The following SLC39A12 variants were observed in gnomAD, a reference collection of about 807,000 sequenced individuals.
The protein encoded by SLC39A12 is solute carrier family 39 member 12, also known as zinc transporter ZIP12.
SLC39A12 carries 63 observed loss-of-function variants against 71.1 expected under a neutral mutation model. That is an observed-to-expected ratio of 0.89 (90% CI 0.72 to 1.09). The LOEUF is 1.09. Ranked by LOEUF, SLC39A12 falls within the 50% of genes least tolerant of loss-of-function variation. The pLI is 0.00. For synonymous variants in SLC39A12, 351 were observed against 301.3 expected (o/e 1.16, Z -1.71); for missense variants, 892 against 812.6 (o/e 1.10, Z -1.19).
At chr10:17,980,267 T>C (rs1391928919) in intron 5 of SLC39A12, among the ~76,000 whole-genome samples, 1 of 152,156 alleles carries the variant, frequency 6.6e-6, no homozygotes, top group Non-Finnish European at 1.5e-5. Context: ...CTCTAAAGAT[T>C]TTTATGTGGG....
Position 17,987,475 on chromosome 10 carries a change from T to C in SLC39A12, c.1097-4T>C. On this transcript the variant is annotated splice_polypyrimidine_tract_variant and splice_region_variant and intron_variant, in intron 6 of 12. Coordinates refer to ENST00000377369, the MANE Select transcript of SLC39A12 (RefSeq NM_001145195.2). ...GACTGTGTTTACGATCTCCTTTGAC[T>C]TAGAATACGGCTACAGCACGGTGGC... The C allele has an allele frequency of 6.2e-7, 1 of 1,613,502 alleles. No homozygotes were observed. Among genetic ancestry groups the C allele is most frequent in the Non-Finnish European group, 8.5e-7 (1 of 1,179,836 alleles).
chr10:18,003,435 G>T (rs1412528624), intron 12 of SLC39A12, 77 bp downstream of exon 12: 4 of 1,328,314 alleles, frequency 3.0e-6, no homozygotes, highest in Admixed American at 4.3e-5. Flanking sequence ...AGTAAAAATG[G>T]AAGGATAAAT....
intron 12 of SLC39A12, among the ~76,000 whole-genome samples, chr10:18,035,232 C>T (rs1210526619): frequency 6.8e-6 from 1 of 146,448 alleles, no homozygotes; most frequent in African/African-American, 2.6e-5. Flanking sequence ...GGATAATATC[C>T]TGCAGAGTGT....
At chr10:18,026,268 G>C (rs1312145903) in intron 12 of SLC39A12, among the ~76,000 whole-genome samples, 1 of 151,898 alleles carries the variant, frequency 6.6e-6, no homozygotes, top group Non-Finnish European at 1.5e-5. Context: ...CTCTATTTTT[G>C]TTTTCTGAGA....
rs1554847428 is a variant in SLC39A12, at chr10:17,953,562, G to A, written c.261+25G>A. 4 of 1,610,956 alleles carry A rather than the reference G, an allele frequency of 2.5e-6. No homozygotes were observed. The South Asian group carries it at 3.3e-5, about 13-fold the overall frequency. On this transcript the variant is annotated intron_variant, in intron 2 of 12. Transcript: ENST00000377369. ...GGTTAGTGAAATAGAATGGGGTCAG[G>A]TATCAGGGCATGTCCAAAAGAAAGC...
chr10:17,958,416 T>G (rs2130773988), intron 2 of SLC39A12, among the ~76,000 whole-genome samples: 1 of 152,262 alleles, frequency 6.6e-6, no homozygotes, highest in South Asian at 2.1e-4. Flanking sequence ...TACCATGTCC[T>G]TGTTCTGATT....
At chr10:18,018,197 T>C (rs1326612508) in intron 12 of SLC39A12, among the ~76,000 whole-genome samples, 1 of 152,216 alleles carries the variant, frequency 6.6e-6, no homozygotes, top group African/African-American at 2.4e-5. Context: ...ACTGATGATA[T>C]AGAGAAAGGC....
chr10:17,987,318 G>A (rs1230494313), intron 6 of SLC39A12, among the ~76,000 whole-genome samples, 161 bp from the exon 7 acceptor site: 2 of 152,178 alleles, frequency 1.3e-5, no homozygotes, highest in Non-Finnish European at 2.9e-5. Flanking sequence ...CTGGGTGACA[G>A]ACAGAGAGCC....
rs11012261 is a variant in SLC39A12 at position 18,029,804 on chromosome 10, T to C, written c.1948-12901T>C. Among the ~76,000 whole-genome samples the C allele has an allele frequency of 5.9e-5, 9 of 151,330 alleles. No individual in the cohort carries two copies. The East Asian group carries it at 1.7e-3, about 29-fold the overall frequency. The stretch of plus-strand genomic sequence containing the variant: ...TAAACTCCTGCCAAAAATTTTAAAT[T>C]TCTAACAAAAAAATAAAATAAATAC... On this transcript the variant is annotated intron_variant, in intron 12 of 12. Transcript: ENST00000377369.
chr10:18,008,912 T>C (rs6482123), intron 12 of SLC39A12, among the ~76,000 whole-genome samples: 12,990 of 152,202 alleles, frequency 0.085, 917 homozygotes, highest in African/African-American at 0.19. Context: ...ATTGGAAATC[T>C]AGAGGATTTC....
At chr10:17,967,386 G>A (rs541621638) in intron 4 of SLC39A12, among the ~76,000 whole-genome samples, 1 of 152,142 alleles carries the variant, frequency 6.6e-6, no homozygotes, top group East Asian at 1.9e-4. Context: ...ATTATTTAGG[G>A]CTTATAAAAT....
rs151200021 is a variant in SLC39A12 at position 17,999,653 on chromosome 10, T to G, written c.1601-1014T>G. 3.5e-4 allele frequency among the ~76,000 whole-genome samples: 54 copies of G among 152,334 alleles called. 1 individual carries two copies. Among genetic ancestry groups the G allele is most frequent in the African/African-American group, 1.3e-3 (52 of 41,572 alleles). The stretch of plus-strand genomic sequence containing the variant: ...TCTCCTGACCAGATGATATATATTA[T>G]GCAATCGAATTCCATGAAGACAGAA... On this transcript the variant is annotated intron_variant, in intron 10 of 12. Transcript: ENST00000377369.
intron 12 of SLC39A12, among the ~76,000 whole-genome samples, chr10:18,036,891 A>G (rs1334298330): frequency 6.7e-6 from 1 of 149,492 alleles, no homozygotes; most frequent in African/African-American, 2.5e-5. Flanking sequence ...GGTTTAAACG[A>G]TTCTCTTGCC....
At position 17,961,701 on chromosome 10, in the gene SLC39A12, A is replaced by T; in HGVS notation, c.382A>T (p.Ile128Phe). 4 of 1,614,052 alleles carry T rather than the reference A, an allele frequency of 2.5e-6. No individual in the cohort carries two copies. Among genetic ancestry groups the T allele is most frequent in the Non-Finnish European group, 3.4e-6 (4 of 1,179,958 alleles). The change falls in exon 3 of 13, where the codon ATC becomes TTC. Residue 128 changes from isoleucine to phenylalanine, a missense_variant. Physicochemically the swap from Ile to Phe is conservative, Grantham distance 21 (BLOSUM62 0). Coordinates refer to ENST00000377369, the MANE Select transcript of SLC39A12 (RefSeq NM_001145195.2). Reference sequence around the variant, plus strand: ...CTATTACATTATTCATCAGGAAGAGATCTGTTCTTCAAAGCTCAACATGAG... The same window carrying T: ...CTATTACATTATTCATCAGGAAGAGTTCTGTTCTTCAAAGCTCAACATGAG... ...LLYYIIHQEE[I>F]CSSKLNMSNK...
chr10:17,977,751 G>A lies in SLC39A12; in HGVS notation c.752-151G>A, dbSNP rs74118069. The A allele has an allele frequency of 9.1e-3, 4,906 of 541,130 alleles. 153 individuals carry two copies. Among genetic ancestry groups the A allele is most frequent in the African/African-American group, 0.073 (3,769 of 51,638 alleles). The allele number at this position is 541,130 out of a possible 1,614,324, so 33.5% of individuals were successfully genotyped here. A position where few individuals can be genotyped will look rare whatever the true frequency, so the allele number is the denominator to read the frequency against. ...CCTTGACGCAATGGAAGGCATTTTC[G>A]TGGGTGGAAATGTCCATTCTGTCAT... On this transcript the variant is annotated intron_variant, in intron 4 of 12. Coordinates refer to ENST00000377369, the MANE Select transcript of SLC39A12 (RefSeq NM_001145195.2).
At chr10:18,035,655 G>A (rs1297602796) in intron 12 of SLC39A12, among the ~76,000 whole-genome samples, 1 of 152,192 alleles carries the variant, frequency 6.6e-6, no homozygotes, top group African/African-American at 2.4e-5. Context: ...GCTCGTCAAA[G>A]TCATTCTCCA....
intron 6 of SLC39A12, among the ~76,000 whole-genome samples, chr10:17,985,747 T>G (rs1835382150): frequency 6.6e-6 from 1 of 152,136 alleles, no homozygotes; most frequent in African/African-American, 2.4e-5. Context: ...TCTCTTTTAA[T>G]CTTATCTCTT....
intron 10 of SLC39A12, among the ~76,000 whole-genome samples, chr10:17,997,022 C>CAAAAAAAA (rs71924913): frequency 8.7e-6 from 1 of 115,478 alleles, no homozygotes; most frequent in Non-Finnish European, 1.7e-5. Context: ...GACTCCGTCT[C>CAAAAAAAA]AAAAAAAAAA....
At chr10:17,961,384 G>C (rs1459990878) in intron 2 of SLC39A12, among the ~76,000 whole-genome samples, 197 bp from the exon 3 acceptor site, 1 of 152,182 alleles carries the variant, frequency 6.6e-6, no homozygotes, top group Non-Finnish European at 1.5e-5. Context: ...ATTATTCTTA[G>C]AGGAAAAAAG....
Sources: allele counts gnomAD v4.1 joint callset (sites outside exome capture counted in the v4.1 genomes callset), GRCh38; gene constraint gnomAD v4.1.1; transcripts MANE v1.5; gene names NCBI Gene and HGNC (gene_info 2026-07-23, HGNC 2026-07-21).